The following LRRC4C variants were observed in gnomAD, a reference collection of about 807,000 sequenced individuals.
LRRC4C encodes the protein leucine rich repeat containing 4C, also known as leucine-rich repeat-containing protein 4C.
LRRC4C carries 5 observed loss-of-function variants against 33.6 expected under a neutral mutation model. That is an observed-to-expected ratio of 0.15 (90% confidence interval 0.08 to 0.31). The LOEUF (loss-of-function observed/expected upper bound fraction) is 0.31. Among genes scored for constraint, LRRC4C ranks in the 10% least tolerant of loss-of-function variants. LRRC4C has a pLI of 1.00. For synonymous variants in LRRC4C, 329 were observed against 302.0 expected, an observed-to-expected ratio of 1.09 and a Z score of -0.93; for missense variants, 560 against 796.7, an observed-to-expected ratio of 0.70 and a Z score of 3.58.
intron 1 of LRRC4C, among the ~76,000 whole-genome samples, chr11:41,100,254 G>A (rs565694936): frequency 2.0e-5 from 3 of 152,236 alleles, no homozygotes; most frequent in South Asian, 4.1e-4. Context: ...CATGCTCATG[G>A]AGAGGGAGAA....
intron 2 of LRRC4C, among the ~76,000 whole-genome samples, chr11:40,748,736 C>A (rs112248487): frequency 6.6e-6 from 1 of 151,920 alleles, no homozygotes; most frequent in African/African-American, 2.4e-5. Context: ...CTACTAGAAA[C>A]GCACTTTACC....
intron 1 of LRRC4C, among the ~76,000 whole-genome samples, chr11:41,079,692 G>T (rs981898194): frequency 6.6e-6 from 1 of 152,200 alleles, no homozygotes; most frequent in Non-Finnish European, 1.5e-5. Context: ...CCAACCAGTG[G>T]CCTATGGGCT....
chr11:40,839,497 C>T (rs1160432925), intron 2 of LRRC4C, among the ~76,000 whole-genome samples: 6 of 152,108 alleles, frequency 3.9e-5, no homozygotes, highest in Admixed American at 6.6e-5. Flanking sequence ...CTGCCTGCCT[C>T]GGCGTTCCAA....
chr11:40,360,310 A>T (rs1158529894), intron 3 of LRRC4C, among the ~76,000 whole-genome samples: 1 of 152,174 alleles, frequency 6.6e-6, no homozygotes, highest in African/African-American at 2.4e-5. Flanking sequence ...AATATCAGAG[A>T]GGGGCAAGTA....
chr11:41,364,078 G>A (rs891103318), intron 1 of LRRC4C, among the ~76,000 whole-genome samples: 9 of 152,040 alleles, frequency 5.9e-5, no homozygotes, highest in Non-Finnish European at 8.8e-5. Context: ...GACTGCGTTT[G>A]CACTGCCATA....
intron 1 of LRRC4C, among the ~76,000 whole-genome samples, chr11:41,001,621 A>T (rs1237358590): frequency 1.3e-5 from 2 of 152,112 alleles, no homozygotes; most frequent in African/African-American, 2.4e-5. Context: ...TTAAAAAAAA[A>T]AATCCACCCA....
chr11:40,761,929 C>T (rs1468906370), intron 2 of LRRC4C, among the ~76,000 whole-genome samples: 1 of 152,168 alleles, frequency 6.6e-6, no homozygotes, highest in East Asian at 1.9e-4. Context: ...CAGTATACTA[C>T]CATTTTATCT....
chr11:41,179,660 C>T (rs1395251022), intron 1 of LRRC4C, among the ~76,000 whole-genome samples: 1 of 152,156 alleles, frequency 6.6e-6, no homozygotes, highest in Non-Finnish European at 1.5e-5. Flanking sequence ...TTTATGAGTT[C>T]TCACTAAGAT....
intron 2 of LRRC4C, among the ~76,000 whole-genome samples, chr11:40,750,198 G>T (rs77278113): frequency 0.12 from 17,888 of 152,010 alleles, 1,446 homozygotes; most frequent in East Asian, 0.41. Context: ...CCCCAATCTG[G>T]GTGACAGAGT....
chr11:40,399,678 TATA>T (rs920081751), intron 3 of LRRC4C, among the ~76,000 whole-genome samples: 3 of 151,808 alleles, frequency 2.0e-5, no homozygotes, highest in South Asian at 4.2e-4. Context: ...AAACTTAAAG[TATA>T]ATAATAATAA....
At chr11:40,922,254 A>C (rs1262294491) in intron 2 of LRRC4C, among the ~76,000 whole-genome samples, 1 of 151,890 alleles carries the variant, frequency 6.6e-6, no homozygotes, top group Non-Finnish European at 1.5e-5. Context: ...GTGGAGTCCT[A>C]TTTTCCTGAA....
chr11:41,446,046 C>A (rs1955815701), intron 1 of LRRC4C, among the ~76,000 whole-genome samples: 1 of 152,092 alleles, frequency 6.6e-6, no homozygotes, highest in Admixed American at 6.6e-5. Flanking sequence ...AAAAAAATGA[C>A]TCAATAATAA....
At chr11:40,949,398 C>A (rs980952544) in intron 1 of LRRC4C, among the ~76,000 whole-genome samples, 3 of 151,668 alleles carry the variant, frequency 2.0e-5, no homozygotes, top group African/African-American at 7.3e-5. Flanking sequence ...CAGAGCAACT[C>A]CAAGACACAT....
intron 1 of LRRC4C, among the ~76,000 whole-genome samples, chr11:40,939,404 A>G (rs1015119975): frequency 2.0e-5 from 3 of 152,162 alleles, no homozygotes; most frequent in African/African-American, 7.2e-5. Context: ...TAGCACATAT[A>G]CAAGTTGGTA....
chr11:41,091,179 AG>A (rs1940391628), intron 1 of LRRC4C, among the ~76,000 whole-genome samples: 1 of 151,876 alleles, frequency 6.6e-6, no homozygotes, highest in Non-Finnish European at 1.5e-5. Context: ...ATTACTTTAT[AG>A]TATTTCATTA....
intron 1 of LRRC4C, among the ~76,000 whole-genome samples, chr11:41,047,969 C>G (rs1257601732): frequency 6.6e-6 from 1 of 152,132 alleles, no homozygotes; most frequent in African/African-American, 2.4e-5. Flanking sequence ...TTCTGATCTC[C>G]CAAAGCATTT....
chr11:40,630,330 C>CTCTTCTTCTTTTCT (rs1963349300), intron 3 of LRRC4C, among the ~76,000 whole-genome samples: 2 of 135,536 alleles, frequency 1.5e-5, no homozygotes, highest in Admixed American at 1.5e-4. Context: ...TTTCTTCTTC[C>CTCTTCTTCTTTTCT]TCTTCTTCTT....
At chr11:40,859,667 T>A (rs1953976886) in intron 2 of LRRC4C, among the ~76,000 whole-genome samples, 1 of 152,106 alleles carries the variant, frequency 6.6e-6, no homozygotes, top group South Asian at 2.1e-4. Flanking sequence ...TCTAGCAGAA[T>A]TTTTCACACT....
chr11:40,697,465 T>C (rs866868489), intron 2 of LRRC4C, among the ~76,000 whole-genome samples: 3 of 152,244 alleles, frequency 2.0e-5, no homozygotes, highest in Admixed American at 6.5e-5. Flanking sequence ...AGGAATAACA[T>C]TTTAATCAAA....
Sources: allele counts gnomAD v4.1 joint callset (sites outside exome capture counted in the v4.1 genomes callset), GRCh38; gene constraint gnomAD v4.1.1; transcripts MANE v1.5; gene names NCBI Gene and HGNC (gene_info 2026-07-23, HGNC 2026-07-21).